Variants in GAPVD1 observed in about 807,000 individuals in gnomAD.
GAPVD1 encodes GTPase-activating protein and VPS9 domain-containing protein 1.
Under a neutral mutation model 155.5 loss-of-function variants are expected in GAPVD1, and 35 were observed. The ratio of observed to expected loss-of-function variants is 0.23; its 90% CI spans 0.17 to 0.30. GAPVD1 has a LOEUF of 0.30. Among genes scored for constraint, GAPVD1 ranks in the 10% least tolerant of loss-of-function variants. The probability of loss-of-function intolerance (pLI) is 1.00; values close to 1 mark genes in which losing one functional copy is unlikely to be tolerated. For synonymous variants in GAPVD1, 636 were observed against 619.7 expected, an observed-to-expected ratio of 1.03 and a Z score of -0.39; for missense variants, 1,429 against 1,775.7, an observed-to-expected ratio of 0.80 and a Z score of 3.51.
At chr9:125,333,724 G>A (rs1846447938) in intron 15 of GAPVD1, among the ~76,000 whole-genome samples, 1 of 151,980 alleles carries the variant, frequency 6.6e-6, no homozygotes, top group Non-Finnish European at 1.5e-5. Flanking sequence ...CCAACCTCAG[G>A]TGATCTGCCC....
rs994766570 is a variant in GAPVD1 at position 125,321,442 on chromosome 9, A to G, written c.1612A>G (p.Met538Val). Residue 538 changes from methionine (M) to valine (V), a missense_variant, in exon 10 of 28, where the codon ATG becomes GTG. Transcript: ENST00000297933. ...GMMSENEVLN[M>V]QLSDGGQGDV... ...ACATTTTATTTTTTAGGTCCTAAACATGCAGCTTTCGGATGGAGGACAAGG... is the reference window on the plus strand; with the variant it reads ...ACATTTTATTTTTTAGGTCCTAAACGTGCAGCTTTCGGATGGAGGACAAGG... The G allele has an allele frequency of 1.8e-5, 29 of 1,612,330 alleles. No homozygotes were observed. The highest frequency in any genetic ancestry group is 2.5e-5 in the Non-Finnish European group (29 of 1,178,842).
chr9:125,263,841 C>T, intron 1 of GAPVD1: 1 of 1,203,438 alleles, frequency 8.3e-7, no homozygotes, highest in Non-Finnish European at 1.2e-6. Context: ...CAGGTACAGT[C>T]TCCGGGGGGC....
chr9:125,306,716 C>G (rs1430996162), intron 6 of GAPVD1, among the ~76,000 whole-genome samples: 1 of 152,210 alleles, frequency 6.6e-6, no homozygotes, highest in Non-Finnish European at 1.5e-5. Context: ...TGGTTTTGAA[C>G]TTCCGAGCTC....
At chr9:125,285,901 C>T (rs960043208) in intron 2 of GAPVD1, among the ~76,000 whole-genome samples, 4 of 150,440 alleles carry the variant, frequency 2.7e-5, no homozygotes, top group Non-Finnish European at 5.9e-5. Context: ...ATTGACCTCC[C>T]TGCTCAAGTG....
intron 12 of GAPVD1, among the ~76,000 whole-genome samples, chr9:125,329,519 T>C (rs1845769508): frequency 6.6e-6 from 1 of 152,138 alleles, no homozygotes; most frequent in Admixed American, 6.5e-5. Flanking sequence ...AGGAAACTGG[T>C]GAAAAGGGTA....
At chr9:125,342,155 C>G (rs1847918035) in intron 18 of GAPVD1, 64 bp from the exon 19 acceptor site, 1 of 778,524 alleles carries the variant, frequency 1.3e-6, no homozygotes, top group Admixed American at 2.1e-5. Flanking sequence ...TGTTGGCACA[C>G]CAGTTAACTT....
chr9:125,337,294 G>A lies in GAPVD1; in HGVS notation c.2580G>A (p.Leu860=). ...ATCCACCACCAGATCCCCCAATCCT[G>A]GAAGGAGCTGTGGGAGGAAATGAGG... is the stretch of plus-strand genomic sequence containing the variant. ...PSHPPPDPPI[L]EGAVGGNEAR... Residue 860 remains leucine, a synonymous_variant, in exon 17 of 28, where the codon CTG becomes CTA. Transcript: ENST00000297933. The A allele has an allele frequency of 3.7e-6, 6 of 1,614,126 alleles. No individual in the cohort carries two copies. Among genetic ancestry groups the A allele is most frequent in the Non-Finnish European group, 5.1e-6 (6 of 1,179,978 alleles).
chr9:125,353,487 C>T (rs1276974005), intron 23 of GAPVD1, among the ~76,000 whole-genome samples: 2 of 152,180 alleles, frequency 1.3e-5, no homozygotes, highest in Non-Finnish European at 2.9e-5. Flanking sequence ...GCTGCTTTCA[C>T]ATTTTCGGGT....
At chr9:125,333,226 A>G (rs1173677537) in intron 15 of GAPVD1, among the ~76,000 whole-genome samples, 1 of 151,764 alleles carries the variant, frequency 6.6e-6, no homozygotes, top group East Asian at 1.9e-4. Flanking sequence ...GATTACAGGC[A>G]CCCACCACCA....
chr9:125,288,405 C>T (rs1025052206), intron 2 of GAPVD1, among the ~76,000 whole-genome samples: 13 of 152,134 alleles, frequency 8.5e-5, no homozygotes, highest in African/African-American at 1.4e-4. Context: ...CCACTGCACC[C>T]GGCCTTGTTA....
At chr9:125,294,855 A>G (rs1839591316) in intron 2 of GAPVD1, among the ~76,000 whole-genome samples, 1 of 152,080 alleles carries the variant, frequency 6.6e-6, no homozygotes. Flanking sequence ...AGTAGATGTC[A>G]TCAGAAGCCA....
intron 20 of GAPVD1, among the ~76,000 whole-genome samples, chr9:125,348,698 G>A (rs143973598): frequency 1.3e-3 from 204 of 152,220 alleles, no homozygotes; most frequent in African/African-American, 4.5e-3. Context: ...TTTTCATAGA[G>A]ACAGGGTTTC....
intron 26 of GAPVD1, chr9:125,359,800 T>A (rs1043039115): frequency 4.4e-5 from 12 of 275,042 alleles, no homozygotes; most frequent in Non-Finnish European, 7.5e-5. Context: ...CAGAAATGTT[T>A]TGAAGAAGTG....
intron 8 of GAPVD1, chr9:125,308,470 A>G (rs1465868187): frequency 1.3e-5 from 2 of 152,146 alleles, no homozygotes; most frequent in Non-Finnish European, 2.9e-5. Flanking sequence ...TATTATTTTC[A>G]TTAACAATCA....
At chr9:125,292,183 G>A (rs1421027339) in intron 2 of GAPVD1, among the ~76,000 whole-genome samples, 1 of 152,122 alleles carries the variant, frequency 6.6e-6, no homozygotes, top group African/African-American at 2.4e-5. Flanking sequence ...GCTGCAGTGA[G>A]CCATGATACC....
At chr9:125,339,850 C>G (rs747743346) in intron 17 of GAPVD1, among the ~76,000 whole-genome samples, 1 of 152,160 alleles carries the variant, frequency 6.6e-6, no homozygotes, top group Non-Finnish European at 1.5e-5. Context: ...ATTTCTCATC[C>G]CCACTGTTAA....
chr9:125,366,371 TTTCTCC>T lies in GAPVD1; in HGVS notation c.*3627_*3632del, dbSNP rs1421958027. 6.6e-6 allele frequency: 1 copy of T among 152,204 alleles called. No individual in the cohort carries two copies. Among genetic ancestry groups the T allele is most frequent in the South Asian group, 2.1e-4 (1 of 4,830 alleles). The allele number at this position is 152,204 out of a possible 1,614,324, so 9.4% of individuals were successfully genotyped here. A position where few individuals can be genotyped will look rare whatever the true frequency, so the allele number is the denominator to read the frequency against. ...GTCAACTAGGTGTTTTAAAATTGTT[TTTCTCC>T]TATGTGATTGGGTGTGAAGAGGGAA... is the stretch of plus-strand genomic sequence containing the variant. On this transcript the variant is annotated 3_prime_UTR_variant, in exon 28 of 28. Coordinates refer to ENST00000297933, the MANE Select transcript of GAPVD1 (RefSeq NM_001282680.3).
intron 1 of GAPVD1, among the ~76,000 whole-genome samples, chr9:125,265,787 C>G (rs987643525): frequency 1.4e-5 from 2 of 147,122 alleles, no homozygotes; most frequent in Non-Finnish European, 3.0e-5. Flanking sequence ...AAACTACTGG[C>G]CAGGCGTGGT....
intron 23 of GAPVD1, among the ~76,000 whole-genome samples, chr9:125,352,321 G>A (rs1849416166): frequency 6.6e-6 from 1 of 152,234 alleles, no homozygotes; most frequent in Non-Finnish European, 1.5e-5. Context: ...TGCCCCTGCG[G>A]CAAACTTCTG....
Sources: gnomAD v4.1 joint callset for allele counts (sites outside exome capture counted in the v4.1 genomes callset) on GRCh38, gnomAD v4.1.1 for gene constraint, MANE v1.5 for transcripts, NCBI Gene and HGNC (gene_info 2026-07-23, HGNC 2026-07-21) for gene names.